The following MKLN1 variants were observed in gnomAD, a reference collection of about 807,000 sequenced individuals.
MKLN1 encodes muskelin 1.
In MKLN1, 18 loss-of-function variants were observed where a neutral mutation model predicts 99.0. The ratio of observed to expected loss-of-function variants is 0.18; its 90% CI spans 0.13 to 0.27. The LOEUF (loss-of-function observed/expected upper bound fraction) is 0.27. MKLN1 is among the 10% of genes least tolerant of loss of function. MKLN1 has a pLI of 1.00. For synonymous variants in MKLN1, 288 were observed against 293.2 expected (o/e 0.98, Z 0.18); for missense variants, 621 against 875.9 (o/e 0.71, Z 3.67).
chr7:131,458,642 C>A (rs1796419862), intron 12 of MKLN1, among the ~76,000 whole-genome samples: 1 of 152,042 alleles, frequency 6.6e-6, no homozygotes, highest in Non-Finnish European at 1.5e-5. Flanking sequence ...TCTCTTATAT[C>A]TCATGCCATC....
chr7:131,345,138 G>T (rs1207382653), intron 1 of MKLN1, among the ~76,000 whole-genome samples: 2 of 152,152 alleles, frequency 1.3e-5, no homozygotes, highest in Non-Finnish European at 2.9e-5. Flanking sequence ...ATGATAGCTC[G>T]TTATGCGATT....
At chr7:131,375,370 C>G in intron 1 of MKLN1, 54 bp from the exon 2 acceptor site, 2 of 1,084,162 alleles carry the variant, frequency 1.8e-6, no homozygotes, top group Non-Finnish European at 2.9e-6. Context: ...GTAGATTATT[C>G]CTGTTTTTGC....
intron 1 of MKLN1, among the ~76,000 whole-genome samples, chr7:131,340,275 C>T (rs1250109646): frequency 8.2e-5 from 7 of 85,042 alleles, no homozygotes; most frequent in Admixed American, 1.7e-4. Flanking sequence ...GTAATTACGG[C>T]TTTTTTTTTT....
At chr7:131,252,390 A>C (rs1563267865) in intron 3 of MKLN1, among the ~76,000 whole-genome samples, 1 of 138,156 alleles carries the variant, frequency 7.2e-6, no homozygotes, top group South Asian at 2.4e-4. Context: ...GTGCAATGGC[A>C]TGATCTCGGC....
At chr7:131,315,879 A>C (rs964341709) in intron 3 of MKLN1, among the ~76,000 whole-genome samples, 7 of 152,300 alleles carry the variant, frequency 4.6e-5, no homozygotes, top group Middle Eastern at 6.8e-3. Context: ...TCTCTGAAGC[A>C]AAGGTAACAG....
At chr7:131,438,232 A>T (rs1795729754) in intron 10 of MKLN1, among the ~76,000 whole-genome samples, 2 of 152,030 alleles carry the variant, frequency 1.3e-5, no homozygotes, top group Admixed American at 1.3e-4. Flanking sequence ...GATTTATAGA[A>T]ACTTTAGCGA....
chr7:131,353,853 G>T (rs113689299), intron 1 of MKLN1, among the ~76,000 whole-genome samples: 1 of 105,982 alleles, frequency 9.4e-6, no homozygotes, highest in Non-Finnish European at 1.9e-5. Context: ...CTCTAGCACT[G>T]TTTGTTGAAA....
chr7:131,350,823 G>C (rs751040691), intron 1 of MKLN1, among the ~76,000 whole-genome samples: 1 of 152,094 alleles, frequency 6.6e-6, no homozygotes, highest in African/African-American at 2.4e-5. Flanking sequence ...ACAATGAGAT[G>C]GAATTACTCA....
intron 2 of MKLN1, among the ~76,000 whole-genome samples, chr7:131,165,987 C>T (rs1439537563): frequency 2.6e-5 from 4 of 152,076 alleles, no homozygotes; most frequent in African/African-American, 4.8e-5. Flanking sequence ...TGGCAGTGTG[C>T]ACCTGTGGTT....
At chr7:131,391,800 A>G (rs1794203713) in intron 4 of MKLN1, among the ~76,000 whole-genome samples, 1 of 152,208 alleles carries the variant, frequency 6.6e-6, no homozygotes, top group Non-Finnish European at 1.5e-5. Context: ...GAGTACATTT[A>G]TGGAAGAAAT....
intron 17 of MKLN1, chr7:131,478,933 CAAAAT>C: frequency 3.8e-6 from 2 of 520,024 alleles, no homozygotes; most frequent in Non-Finnish European, 6.8e-6. Flanking sequence ...GAAACACAGT[CAAAAT>C]AAATTAATTT....
intron 17 of MKLN1, among the ~76,000 whole-genome samples, chr7:131,479,409 A>T (rs1246219767): frequency 1.3e-5 from 2 of 152,152 alleles, no homozygotes; most frequent in African/African-American, 4.8e-5. Flanking sequence ...GTGCGCCCAT[A>T]GTCCTAGCTA....
At chr7:131,451,201 C>T (rs1796166730) in intron 12 of MKLN1, among the ~76,000 whole-genome samples, 2 of 151,770 alleles carry the variant, frequency 1.3e-5, no homozygotes, top group Admixed American at 1.3e-4. Context: ...CAATTTTATC[C>T]ATTATGTAGA....
chr7:131,381,764 CT>C (rs373473597), intron 2 of MKLN1, among the ~76,000 whole-genome samples: 1 of 151,858 alleles, frequency 6.6e-6, no homozygotes, highest in Non-Finnish European at 1.5e-5. Flanking sequence ...TAATTGTTTT[CT>C]TTTTTTTGTC....
chr7:131,348,752 T>C (rs1258367061), intron 1 of MKLN1, among the ~76,000 whole-genome samples: 1 of 152,138 alleles, frequency 6.6e-6, no homozygotes, highest in East Asian at 1.9e-4. Flanking sequence ...ACAGTTTAAA[T>C]TATTGTATTA....
chr7:131,166,741 A>T (rs1796130881), intron 2 of MKLN1, among the ~76,000 whole-genome samples: 3 of 152,192 alleles, frequency 2.0e-5, no homozygotes, highest in Admixed American at 2.0e-4. Flanking sequence ...GCTGGAGTGC[A>T]GTGGCACGAT....
chr7:131,131,250 A>C (rs1263680946), intron 1 of MKLN1, among the ~76,000 whole-genome samples: 1 of 151,038 alleles, frequency 6.6e-6, no homozygotes, highest in African/African-American at 2.4e-5. Flanking sequence ...GGTGGTGTGC[A>C]CCTGTATTGC....
At chr7:131,242,493 G>A (rs113265614) in intron 3 of MKLN1, 3,752 of 241,960 alleles carry the variant, frequency 0.016, 119 homozygotes, top group African/African-American at 0.079. Flanking sequence ...CTGTGATTGC[G>A]CCACTGCCCT....
intron 3 of MKLN1, among the ~76,000 whole-genome samples, chr7:131,211,454 C>T (rs1796904883): frequency 1.3e-5 from 2 of 152,170 alleles, no homozygotes; most frequent in Admixed American, 1.3e-4. Flanking sequence ...CTCTTGTATT[C>T]TGCCCTTACT....
Sources: allele counts gnomAD v4.1 joint callset (sites outside exome capture counted in the v4.1 genomes callset), GRCh38; gene constraint gnomAD v4.1.1; transcripts MANE v1.5; gene names NCBI Gene and HGNC (gene_info 2026-07-23, HGNC 2026-07-21).